The following MRPS23 variants were observed in gnomAD, a reference collection of about 807,000 sequenced individuals.
MRPS23 encodes small ribosomal subunit protein mS23.
A neutral mutation model predicts 19.8 loss-of-function variants in MRPS23; 14 were observed. The observed-to-expected ratio is 0.71, with a 90% confidence interval of 0.47 to 1.11. The LOEUF (loss-of-function observed/expected upper bound fraction) is 1.11, where lower values mean the gene tolerates loss of function less well. Ranked by LOEUF, MRPS23 falls within the 50% of genes least tolerant of loss-of-function variation. MRPS23 has a pLI of 0.00. For missense variants in MRPS23, 242 were observed against 236.7 expected, an observed-to-expected ratio of 1.02 and a Z score of -0.15; for synonymous variants, 113 against 89.7, an observed-to-expected ratio of 1.26 and a Z score of -1.47.
At chr17:57,849,727 T>A in intron 1 of MRPS23, 1 of 610,540 alleles carries the variant, frequency 1.6e-6, no homozygotes, top group Non-Finnish European at 2.8e-6. Context: ...CCTAGAGACC[T>A]CCACTCGGGG....
chr17:57,836,915 GTGAT>G lies in MRPS23; in HGVS notation c.*2864_*2867del. The G allele has an allele frequency of 1.3e-5, 2 of 152,196 alleles. No individual in the cohort carries two copies. Among genetic ancestry groups the G allele is most frequent in the Admixed American group, 1.3e-4 (2 of 15,262 alleles). The allele number at this position is 152,196 out of a possible 1,614,324, so 9.4% of individuals were successfully genotyped here. On this transcript the variant is annotated 3_prime_UTR_variant, in exon 5 of 5. Coordinates refer to ENST00000313608, the MANE Select transcript of MRPS23 (RefSeq NM_016070.4). Reference sequence around the variant, plus strand: ...GCTGGTCTCGAACTCCTGACCTCAGGTGATCCGCCCACCTTGGCCTCCCAAAGTG... The same window carrying G: ...GCTGGTCTCGAACTCCTGACCTCAGGCCGCCCACCTTGGCCTCCCAAAGTG...
chr17:57,849,366 A>G lies in MRPS23; in HGVS notation c.89T>C (p.Leu30Pro). Reference sequence around the variant, plus strand: ...AAAGGCGTCATATACGTCAAACCACAGGGGCTTCTCCTTCAGCACCCCGGC... The same window carrying G: ...AAAGGCGTCATATACGTCAAACCACGGGGGCTTCTCCTTCAGCACCCCGGC... ...VRAGVLKEKP[L>P]WFDVYDAFPP... Residue 30 changes from leucine to proline, a missense_variant, in exon 2 of 5, where the codon CTG (leucine) becomes CCG (proline). Physicochemically the swap from Leu to Pro is moderately conservative, Grantham distance 98. Coordinates refer to ENST00000313608, the MANE Select transcript of MRPS23 (RefSeq NM_016070.4). 1 of 1,614,168 alleles carries G rather than the reference A, an allele frequency of 6.2e-7. No homozygotes were observed.
At chr17:57,846,723 C>T (rs1445590707) in intron 2 of MRPS23, among the ~76,000 whole-genome samples, 1 of 151,928 alleles carries the variant, frequency 6.6e-6, no homozygotes, top group Non-Finnish European at 1.5e-5. Flanking sequence ...GCAGCATGCT[C>T]GTTAAGAGTC....
intron 4 of MRPS23, 190 bp downstream of exon 4, chr17:57,840,736 T>C: frequency 1.9e-6 from 1 of 518,516 alleles, no homozygotes; most frequent in Admixed American, 3.8e-5. Context: ...TTATGTATTA[T>C]AAATGATTTA....
Position 57,839,814 on chromosome 17 carries a change from G to C in MRPS23, c.542C>G (p.Ala181Gly), listed in dbSNP as rs770338177. The change falls in exon 5 of 5, where the codon GCA (alanine) becomes GGA (glycine). Residue 181 changes from alanine to glycine, a missense_variant. Transcript: ENST00000313608. The part of the protein sequence containing the change: ...VPQDQHLEAP[A>G]DQSKGLLPP ...AGGCAAGAGACCTTTCGACTGGTCT[G>C]CAGGTGCCTCCAAATGCTGGTCCTG... The C allele has an allele frequency of 1.2e-6, 2 of 1,614,178 alleles. No homozygotes were observed. Among genetic ancestry groups the C allele is most frequent in the South Asian group, 2.2e-5 (2 of 91,076 alleles).
intron 2 of MRPS23, among the ~76,000 whole-genome samples, chr17:57,846,996 T>A (rs1482650821): frequency 6.6e-6 from 1 of 151,568 alleles, no homozygotes; most frequent in Non-Finnish European, 1.5e-5. Flanking sequence ...TTAAAGATAT[T>A]TTTAAGAATG....
intron 2 of MRPS23, among the ~76,000 whole-genome samples, chr17:57,847,755 G>A (rs1234307979): frequency 6.7e-6 from 1 of 150,074 alleles, no homozygotes; most frequent in Non-Finnish European, 1.5e-5. Flanking sequence ...GGAGTGCAGT[G>A]GTGCACTCTC....
chr17:57,842,562 C>T (rs145324730), intron 2 of MRPS23, among the ~76,000 whole-genome samples: 57 of 152,218 alleles, frequency 3.7e-4, no homozygotes, highest in African/African-American at 1.3e-3. Flanking sequence ...TAGTGCACTA[C>T]GTAAATAAGT....
intron 2 of MRPS23, among the ~76,000 whole-genome samples, chr17:57,848,514 A>G (rs1009717747): frequency 1.3e-5 from 2 of 151,836 alleles, no homozygotes; most frequent in African/African-American, 4.8e-5. Flanking sequence ...AGCTGGGACT[A>G]CAAGCACCCA....
chr17:57,842,067 A>G (rs1306310052), intron 2 of MRPS23, among the ~76,000 whole-genome samples: 1 of 152,168 alleles, frequency 6.6e-6, no homozygotes, highest in Non-Finnish European at 1.5e-5. Flanking sequence ...CGCAGGTAGC[A>G]GTGCTGTGAT....
intron 4 of MRPS23, 89 bp downstream of exon 4, chr17:57,840,837 G>A: frequency 6.7e-7 from 1 of 1,502,472 alleles, no homozygotes; most frequent in Non-Finnish European, 9.0e-7. Context: ...TGTGAATATT[G>A]GTATCTGCAG....
chr17:57,848,813 T>G, intron 2 of MRPS23: 1 of 136,594 alleles, frequency 7.3e-6, no homozygotes, highest in Non-Finnish European at 1.6e-5. Flanking sequence ...GTCAGAGATG[T>G]GATTCCCAGA....
At chr17:57,840,039 T>C (rs1385377461) in intron 4 of MRPS23, 104 bp from the exon 5 acceptor site, 2 of 1,312,056 alleles carry the variant, frequency 1.5e-6, no homozygotes, top group African/African-American at 2.9e-5. Flanking sequence ...GTGAAAAATT[T>C]AGCACTAATA....
chr17:57,846,085 T>TC (rs1178534596), intron 2 of MRPS23, among the ~76,000 whole-genome samples: 1 of 150,760 alleles, frequency 6.6e-6, no homozygotes, highest in African/African-American at 2.4e-5. Context: ...ACATCTTTGT[T>TC]TTTTTTTTTT....
chr17:57,838,289 C>CAAAAAAAAAAAAAAAAAAAAAAAAAA lies in MRPS23; in HGVS notation c.*1468_*1493dup, dbSNP rs59289595. 1.7e-4 allele frequency: 5 copies of CAAAAAAAAAAAAAAAAAAAAAAAAAA among 29,416 alleles called. No homozygotes were observed. The highest frequency in any genetic ancestry group is 2.7e-4 in the Non-Finnish European group (4 of 14,794). 1.8% of individuals were successfully genotyped at this position (29,416 alleles called of 1,614,324 possible). A position where few individuals can be genotyped will look rare whatever the true frequency, so the allele number is the denominator to read the frequency against. ...TGGGAAACAAAGTGATACTCCATCG[C>CAAAAAAAAAAAAAAAAAAAAAAAAAA]AAAAAAAAAAAAAAAAAAAAAAAAA... On this transcript the variant is annotated 3_prime_UTR_variant, in exon 5 of 5. Transcript: ENST00000313608.
In MRPS23 at chr17:57,841,235, C is replaced by T. The variant is rs117734846; in HGVS notation, c.241G>A (p.Gly81Ser). The T allele has an allele frequency of 2.7e-4, 438 of 1,614,022 alleles. 3 individuals are homozygous for T. In the East Asian group the frequency reaches 9.0e-3, roughly 33 times the overall value. ...TTGAATAGATCAAAAGCTCTTTGACCAGACCCATACACTGAATAAAACTTC... is the reference window on the plus strand; with the variant it reads ...TTGAATAGATCAAAAGCTCTTTGACTAGACCCATACACTGAATAAAACTTC... Reference protein sequence around the residue: ...RAKFYSVYGSGQRAFDLFNPN... With the variant: ...RAKFYSVYGSSQRAFDLFNPN... Residue 81 changes from glycine to serine, a missense_variant, in exon 3 of 5, where the codon GGT becomes AGT. Gly to Ser is a moderately conservative substitution (Grantham distance 56). Transcript: ENST00000313608.
chr17:57,848,245 T>C (rs1264758520), intron 2 of MRPS23, among the ~76,000 whole-genome samples: 3 of 152,154 alleles, frequency 2.0e-5, no homozygotes, highest in Non-Finnish European at 4.4e-5. Context: ...TATGCTTTCT[T>C]TGTGTATCTA....
In MRPS23 at chr17:57,837,844, G is replaced by T. The variant is rs1172106062; in HGVS notation, c.*1939C>A. On this transcript the variant is annotated 3_prime_UTR_variant, in exon 5 of 5. Transcript: ENST00000313608. ...AACAAAAAAAATGTTAAAGAGCCAG[G>T]CGTGGTGGCACATGCCTATAGTCCT... 2 of 153,114 alleles carry T rather than the reference G, an allele frequency of 1.3e-5. No homozygotes were observed. The highest frequency in any genetic ancestry group is 2.9e-5 in the Non-Finnish European group (2 of 68,936). The allele number at this position is 153,114 out of a possible 1,614,324, so 9.5% of individuals were successfully genotyped here. A position where few individuals can be genotyped will look rare whatever the true frequency, so the allele number is the denominator to read the frequency against.
chr17:57,843,816 T>C (rs963271822), intron 2 of MRPS23, among the ~76,000 whole-genome samples: 6 of 152,236 alleles, frequency 3.9e-5, no homozygotes. Flanking sequence ...TCTTTCTTAA[T>C]GATTTCTAAG....
Sources: allele counts gnomAD v4.1 joint callset (sites outside exome capture counted in the v4.1 genomes callset), GRCh38; gene constraint gnomAD v4.1.1; transcripts MANE v1.5; gene names NCBI Gene and HGNC (gene_info 2026-07-23, HGNC 2026-07-21).